Variants in SLC4A5 observed in about 807,000 individuals in gnomAD.
SLC4A5 encodes electrogenic sodium bicarbonate cotransporter 4.
SLC4A5 carries 96 observed loss-of-function variants against 120.4 expected under a neutral mutation model. The ratio of observed to expected loss-of-function variants is 0.80; its 90% confidence interval spans 0.68 to 0.94. SLC4A5 has a LOEUF of 0.94. Among genes scored for constraint, SLC4A5 ranks in the 40% least tolerant of loss-of-function variants. The pLI is 0.00. For synonymous variants in SLC4A5, 550 were observed against 571.1 expected, an observed-to-expected ratio of 0.96 and a Z score of 0.53; for missense variants, 1,259 against 1,459.5, an observed-to-expected ratio of 0.86 and a Z score of 2.24.
intron 12 of SLC4A5, among the ~76,000 whole-genome samples, chr2:74,257,633 G>T (rs568717621): frequency 6.6e-5 from 10 of 152,254 alleles, no homozygotes; most frequent in Admixed American, 6.5e-4. Flanking sequence ...AGGCTGGAGT[G>T]CAGTGGCACC....
At chr2:74,326,147 A>T (rs60846239) in intron 5 of SLC4A5, among the ~76,000 whole-genome samples, 2 of 152,138 alleles carry the variant, frequency 1.3e-5, no homozygotes, top group Non-Finnish European at 2.9e-5. Context: ...TTAAAAAAAT[A>T]AAAAAATTTT....
chr2:74,316,321 TAAAAAAAAAAA>T (rs60481743), intron 5 of SLC4A5, among the ~76,000 whole-genome samples: 29 of 51,188 alleles, frequency 5.7e-4, no homozygotes, highest in Non-Finnish European at 1.1e-3. Flanking sequence ...AAAAGAGTTG[TAAAAAAAAAAA>T]AAAAAAAAAA....
At chr2:74,313,365 C>T (rs1672867536) in intron 6 of SLC4A5, among the ~76,000 whole-genome samples, 1 of 152,204 alleles carries the variant, frequency 6.6e-6, no homozygotes. Flanking sequence ...TATGGAGAAG[C>T]ATGTCTAAGC....
At chr2:74,233,346 T>C (rs2103917546) in intron 23 of SLC4A5, 56 bp downstream of exon 23, 4 of 1,600,428 alleles carry the variant, frequency 2.5e-6, no homozygotes, top group Non-Finnish European at 3.4e-6. Flanking sequence ...TCCTTCGCTC[T>C]TTCTGACTTT....
At chr2:74,276,896 T>C (rs992971795) in intron 8 of SLC4A5, among the ~76,000 whole-genome samples, 5 of 151,830 alleles carry the variant, frequency 3.3e-5, no homozygotes, top group African/African-American at 9.7e-5. Context: ...AAGCTGAGGA[T>C]TGGCCAAAGG....
intron 7 of SLC4A5, chr2:74,290,619 A>AGAGAGAGAG (rs1339211858): frequency 1.1e-6 from 1 of 910,572 alleles, no homozygotes; most frequent in African/African-American, 3.0e-5. Context: ...AGAGACAGAG[A>AGAGAGAGAG]AGTGAGAGAG....
intron 4 of SLC4A5, among the ~76,000 whole-genome samples, chr2:74,329,750 T>C (rs1288762454): frequency 1.3e-4 from 19 of 150,912 alleles, no homozygotes; most frequent in African/African-American, 4.7e-4. Context: ...GGTTCTGAGG[T>C]ATTGACGGTG....
chr2:74,259,907 C>T (rs531830176), intron 11 of SLC4A5, among the ~76,000 whole-genome samples: 4 of 152,340 alleles, frequency 2.6e-5, no homozygotes, highest in African/African-American at 9.6e-5. Context: ...CTCCTCCACC[C>T]CAACGTCTTG....
intron 29 of SLC4A5, among the ~76,000 whole-genome samples, chr2:74,222,208 T>C (rs535316066): frequency 2.0e-5 from 3 of 152,066 alleles, no homozygotes; most frequent in African/African-American, 4.8e-5. Context: ...CTGGAAAACA[T>C]GGGAGGCCTG....
At chr2:74,329,468 A>T (rs1482010261) in intron 4 of SLC4A5, among the ~76,000 whole-genome samples, 4 of 152,186 alleles carry the variant, frequency 2.6e-5, no homozygotes, top group African/African-American at 4.8e-5. Flanking sequence ...ACATGCCTGT[A>T]ATCCCAGCTA....
At chr2:74,229,511 C>T (rs140196023) in intron 25 of SLC4A5, among the ~76,000 whole-genome samples, 3 of 152,124 alleles carry the variant, frequency 2.0e-5, no homozygotes, top group Non-Finnish European at 4.4e-5. Context: ...CTGCCTCGGC[C>T]TCCCAAAGTG....
At chr2:74,313,868 T>C (rs10191884) in intron 6 of SLC4A5, among the ~76,000 whole-genome samples, 3,969 of 152,218 alleles carry the variant, frequency 0.026, 200 homozygotes, top group African/African-American at 0.09. Context: ...AGCAGGTATA[T>C]CAGAAAGGCC....
At chr2:74,260,928 A>G (rs755391968) in intron 11 of SLC4A5, among the ~76,000 whole-genome samples, 3 of 151,946 alleles carry the variant, frequency 2.0e-5, no homozygotes, top group Non-Finnish European at 4.4e-5. Context: ...GAACTGGACT[A>G]ATGTTTTTAT....
intron 7 of SLC4A5, among the ~76,000 whole-genome samples, chr2:74,299,601 T>C (rs1377443047): frequency 2.0e-5 from 3 of 152,066 alleles, no homozygotes; most frequent in African/African-American, 7.2e-5. Context: ...AAATAGCCAA[T>C]AGGTATATGA....
At chr2:74,232,339 C>T in intron 24 of SLC4A5, 130 bp downstream of exon 24, 1 of 1,062,026 alleles carries the variant, frequency 9.4e-7, no homozygotes, top group Non-Finnish European at 1.4e-6. Flanking sequence ...CACTCCTGTC[C>T]CTGTGGTTCT....
chr2:74,341,642 C>T (rs545425561), intron 2 of SLC4A5, among the ~76,000 whole-genome samples: 1 of 152,330 alleles, frequency 6.6e-6, no homozygotes, highest in South Asian at 2.1e-4. Context: ...ACTGTGCTCA[C>T]ACTGTGCCCG....
At chr2:74,322,503 G>C (rs1673121542) in intron 5 of SLC4A5, among the ~76,000 whole-genome samples, 1 of 152,014 alleles carries the variant, frequency 6.6e-6, no homozygotes, top group East Asian at 1.9e-4. Context: ...GTTACTTCTG[G>C]GGAAGGATAA....
chr2:74,330,062 G>A (rs546153601), intron 4 of SLC4A5, among the ~76,000 whole-genome samples: 1 of 151,712 alleles, frequency 6.6e-6, no homozygotes, highest in East Asian at 1.9e-4. Flanking sequence ...GGTATAGAAG[G>A]AGGTGTGTGG....
chr2:74,294,942 A>G (rs550510431), intron 7 of SLC4A5, among the ~76,000 whole-genome samples: 2 of 152,268 alleles, frequency 1.3e-5, no homozygotes, highest in South Asian at 4.1e-4. Flanking sequence ...AAGTGCTGGG[A>G]TTACAGGTGT....
Sources: allele counts gnomAD v4.1 joint callset (sites outside exome capture counted in the v4.1 genomes callset), GRCh38; gene constraint gnomAD v4.1.1; transcripts MANE v1.5; gene names NCBI Gene and HGNC (gene_info 2026-07-23, HGNC 2026-07-21).